The following IGFBP7 variants were observed in gnomAD, a reference collection of about 807,000 sequenced individuals.
The protein encoded by IGFBP7 is insulin-like growth factor-binding protein 7.
In IGFBP7, 31 loss-of-function variants were observed where a neutral mutation model predicts 29.4. The observed-to-expected ratio is 1.05, with a 90% CI of 0.79 to 1.42. The LOEUF is 1.42. IGFBP7 is among the 40% of genes most tolerant of loss of function. The pLI, the probability that IGFBP7 is intolerant of heterozygous loss-of-function variation, is 0.00. For missense variants in IGFBP7, 393 were observed against 395.5 expected, an observed-to-expected ratio of 0.99 and a Z score of 0.05; for synonymous variants, 172 against 174.9, an observed-to-expected ratio of 0.98 and a Z score of 0.13.
At chr4:57,066,109 C>A (rs1457250632) in intron 1 of IGFBP7, among the ~76,000 whole-genome samples, 2 of 152,216 alleles carry the variant, frequency 1.3e-5, no homozygotes, top group Admixed American at 6.5e-5. Flanking sequence ...ATCCACCCCC[C>A]ACTTTTTAGG....
intron 1 of IGFBP7, among the ~76,000 whole-genome samples, chr4:57,108,709 TG>T (rs1726097944): frequency 1.3e-5 from 2 of 152,012 alleles, no homozygotes; most frequent in Admixed American, 6.6e-5. Context: ...GCCCAGCTAA[TG>T]TATATATATA....
At chr4:57,043,980 T>C (rs1724294590) in intron 1 of IGFBP7, among the ~76,000 whole-genome samples, 1 of 152,222 alleles carries the variant, frequency 6.6e-6, no homozygotes, top group Admixed American at 6.5e-5. Flanking sequence ...TCTGTTCTCC[T>C]TCCCACACAC....
rs573123289 is a variant in IGFBP7, at chr4:57,054,560, A to G, written c.476-13627T>C. Among the ~76,000 whole-genome samples the G allele has an allele frequency of 5.4e-5, 8 of 148,482 alleles. No individual in the cohort carries two copies. In the East Asian group the frequency reaches 1.6e-3, roughly 30 times the overall value. On this transcript the variant is annotated intron_variant, in intron 1 of 4. Coordinates refer to ENST00000295666, the MANE Select transcript of IGFBP7 (RefSeq NM_001553.3). ...AGGCTGAGGCAGAAGAATTGTTTGA[A>G]CCTGGGAGGCGGAGGTTGCAGTGCA...
rs1725829588 is a variant in IGFBP7 at position 57,098,950 on chromosome 4, C to G, written c.475+10927G>C. Among the ~76,000 whole-genome samples, 5 of 152,174 alleles carry G rather than the reference C, an allele frequency of 3.3e-5. No individual in the cohort carries two copies. The South Asian group carries it at 1.0e-3, about 32-fold the overall frequency. Reference sequence around the variant, plus strand: ...GGGCTACCCTAAAAAATTCTTGAAGCCTCATTTCTGTGTGGTCTCTTTCAA... The same window carrying G: ...GGGCTACCCTAAAAAATTCTTGAAGGCTCATTTCTGTGTGGTCTCTTTCAA... On this transcript the variant is annotated intron_variant, in intron 1 of 4. Coordinates refer to ENST00000295666, the MANE Select transcript of IGFBP7 (RefSeq NM_001553.3).
chr4:57,082,734 A>T (rs1725401073), intron 1 of IGFBP7, among the ~76,000 whole-genome samples: 1 of 152,206 alleles, frequency 6.6e-6, no homozygotes, highest in Non-Finnish European at 1.5e-5. Flanking sequence ...CAACTTATAT[A>T]AACTGTTTAT....
At chr4:57,078,498 A>G (rs1725283723) in intron 1 of IGFBP7, among the ~76,000 whole-genome samples, 2 of 151,880 alleles carry the variant, frequency 1.3e-5, no homozygotes, top group Admixed American at 6.6e-5. Flanking sequence ...AAAAAAAAAG[A>G]AAAATGGTAA....
intron 1 of IGFBP7, among the ~76,000 whole-genome samples, chr4:57,107,322 C>G (rs1403148714): frequency 1.3e-5 from 2 of 152,304 alleles, no homozygotes; most frequent in African/African-American, 4.8e-5. Context: ...CTGCCCCTAC[C>G]TGGCCCCTAC....
At chr4:57,080,570 C>A (rs1725342774) in intron 1 of IGFBP7, among the ~76,000 whole-genome samples, 1 of 152,116 alleles carries the variant, frequency 6.6e-6, no homozygotes, top group Non-Finnish European at 1.5e-5. Flanking sequence ...ACTTTTCACC[C>A]AGGGTGGAGT....
At position 57,039,042 on chromosome 4, in the gene IGFBP7, G is replaced by A. The variant is rs558643912; in HGVS notation, c.585+1782C>T. ...ATGGTGCCATTGCACTCCAGCCTGG[G>A]CAATAAGAGTGAAACTATGTCTCAA... On this transcript the variant is annotated intron_variant, in intron 2 of 4. Transcript: ENST00000295666. Among the ~76,000 whole-genome samples, 60 of 136,826 alleles carry A rather than the reference G, an allele frequency of 4.4e-4. 1 individual carries two copies. The highest frequency in any genetic ancestry group is 1.1e-3 in the Admixed American group (15 of 13,426). 89.8% of individuals were successfully genotyped at this position (136,826 alleles called of 152,430 possible). A position where few individuals can be genotyped will look rare whatever the true frequency, so the allele number is the denominator to read the frequency against.
At chr4:57,045,829 G>C (rs1203841757) in intron 1 of IGFBP7, among the ~76,000 whole-genome samples, 1 of 151,310 alleles carries the variant, frequency 6.6e-6, no homozygotes, top group Non-Finnish European at 1.5e-5. Context: ...GGGTTCAAGC[G>C]ATCCTCCTGC....
rs149123360 is a variant in IGFBP7 at position 57,106,641 on chromosome 4, C to T, written c.475+3236G>A. ...TAATAAGGGAGACCCTTAAGAATGACATTCTGATTCCAGAAGTGAAAATTA... is the reference window on the plus strand; with the variant it reads ...TAATAAGGGAGACCCTTAAGAATGATATTCTGATTCCAGAAGTGAAAATTA... On this transcript the variant is annotated intron_variant, in intron 1 of 4. Coordinates refer to ENST00000295666, the MANE Select transcript of IGFBP7 (RefSeq NM_001553.3). Among the ~76,000 whole-genome samples the T allele has an allele frequency of 2.2e-3, 342 of 152,258 alleles. 2 individuals are homozygous for T. The highest frequency in any genetic ancestry group is 7.5e-3 in the African/African-American group (313 of 41,546).
chr4:57,079,271 A>C (rs1725304678), intron 1 of IGFBP7, among the ~76,000 whole-genome samples: 1 of 152,112 alleles, frequency 6.6e-6, no homozygotes, highest in South Asian at 2.1e-4. Flanking sequence ...TGCAGGTGAT[A>C]CGTGGCATTT....
intron 1 of IGFBP7, among the ~76,000 whole-genome samples, chr4:57,068,508 A>G (rs1724973281): frequency 6.6e-6 from 1 of 152,220 alleles, no homozygotes; most frequent in South Asian, 2.1e-4. Context: ...GAAACACATC[A>G]GTAACGGCAG....
At chr4:57,040,991 G>A in intron 1 of IGFBP7, 58 bp from the exon 2 acceptor site, 5 of 1,062,400 alleles carry the variant, frequency 4.7e-6, no homozygotes, top group Admixed American at 1.8e-5. Context: ...ACATGAGTCA[G>A]CATCTTAGGG....
intron 1 of IGFBP7, among the ~76,000 whole-genome samples, chr4:57,087,428 T>A (rs1248932780): frequency 6.6e-6 from 1 of 152,234 alleles, no homozygotes; most frequent in Non-Finnish European, 1.5e-5. Context: ...GATGCCAATT[T>A]TAAAATACTT....
chr4:57,102,107 G>C (rs190427933), intron 1 of IGFBP7, among the ~76,000 whole-genome samples: 34 of 152,278 alleles, frequency 2.2e-4, no homozygotes, highest in African/African-American at 7.7e-4. Flanking sequence ...TGTGGGGTAG[G>C]GGTGGCTTGA....
rs76462643 is a variant in IGFBP7, at chr4:57,078,877, C to T, written c.475+31000G>A. Reference sequence around the variant, plus strand: ...AGTTCCCAACAAAGCTGTTAGGGCTCAAGAGGACCAGCTCCACCACCCACC... The same window carrying T: ...AGTTCCCAACAAAGCTGTTAGGGCTTAAGAGGACCAGCTCCACCACCCACC... On this transcript the variant is annotated intron_variant, in intron 1 of 4. Transcript: ENST00000295666. Among the ~76,000 whole-genome samples, 162 of 152,224 alleles carry T rather than the reference C, an allele frequency of 1.1e-3. 2 individuals carry two copies. The East Asian group carries it at 0.025, about 24-fold the overall frequency.
intron 1 of IGFBP7, among the ~76,000 whole-genome samples, chr4:57,071,991 A>G (rs185277083): frequency 1.6e-3 from 244 of 152,126 alleles, no homozygotes; most frequent in African/African-American, 5.7e-3. Flanking sequence ...TTTAAATTTT[A>G]ATAAAAAAAA....
intron 1 of IGFBP7, among the ~76,000 whole-genome samples, chr4:57,096,301 C>T (rs4242005): frequency 0.93 from 135,921 of 145,732 alleles, 63,442 homozygotes; most frequent in Middle Eastern, 0.98. Context: ...CAAAGTCCCC[C>T]GTTGCAAAAC....
Sources: allele counts gnomAD v4.1 joint callset (sites outside exome capture counted in the v4.1 genomes callset), GRCh38; gene constraint gnomAD v4.1.1; transcripts MANE v1.5; gene names NCBI Gene and HGNC (gene_info 2026-07-23, HGNC 2026-07-21).